Variants in GRIA4 observed in about 807,000 individuals in gnomAD.
The protein encoded by GRIA4 is glutamate receptor 4.
In GRIA4, 34 loss-of-function variants were observed where a neutral mutation model predicts 104.0. That is an observed-to-expected ratio of 0.33 (90% CI 0.25 to 0.44). The LOEUF (loss-of-function observed/expected upper bound fraction) is 0.44, where lower values mean the gene tolerates loss of function less well. GRIA4 is among the 20% of genes least tolerant of loss of function. The probability of loss-of-function intolerance (pLI) is 1.00; values close to 1 mark genes in which losing one functional copy is unlikely to be tolerated. For missense variants in GRIA4, 750 were observed against 1,096.5 expected (o/e 0.68, Z 4.46); for synonymous variants, 386 against 381.9 (o/e 1.01, Z -0.13).
intron 4 of GRIA4, among the ~76,000 whole-genome samples, chr11:105,848,311 T>C (rs1312215783): frequency 6.6e-6 from 1 of 152,196 alleles, no homozygotes; most frequent in Non-Finnish European, 1.5e-5. Flanking sequence ...ATTAAAAAAA[T>C]TAATTGAAAA....
intron 6 of GRIA4, among the ~76,000 whole-genome samples, chr11:105,895,068 G>A (rs1291668201): frequency 9.7e-6 from 1 of 102,794 alleles, no homozygotes; most frequent in Non-Finnish European, 2.1e-5. Flanking sequence ...CAAAGTGCTG[G>A]GATTACAGGC....
At chr11:105,815,459 T>A (rs909816386) in intron 4 of GRIA4, among the ~76,000 whole-genome samples, 23 of 152,190 alleles carry the variant, frequency 1.5e-4, no homozygotes, top group African/African-American at 5.3e-4. Context: ...CCCAGAGCCC[T>A]GCTATTCTTC....
Position 105,806,689 on chromosome 11 carries a change from CT to C in GRIA4, c.487+53474del, listed in dbSNP as rs201148036. 9.5e-3 allele frequency among the ~76,000 whole-genome samples: 1,444 copies of C among 151,698 alleles called. 30 individuals carry two copies. Among genetic ancestry groups the C allele is most frequent in the African/African-American group, 0.033 (1,372 of 41,420 alleles). ...AATGGTACCCAGGTCTTCTAGTGAG[CT>C]TTTTAGTGCCTTATTTGTAAATATT... On this transcript the variant is annotated intron_variant, in intron 4 of 16. Transcript: ENST00000282499.
At chr11:105,855,450 G>C (rs956611651) in intron 4 of GRIA4, among the ~76,000 whole-genome samples, 4 of 151,794 alleles carry the variant, frequency 2.6e-5, no homozygotes, top group Admixed American at 2.0e-4. Flanking sequence ...ATATAAAAAA[G>C]TATCAAATCA....
At chr11:105,865,877 C>T (rs1197551835) in intron 5 of GRIA4, among the ~76,000 whole-genome samples, 1 of 152,250 alleles carries the variant, frequency 6.6e-6, no homozygotes, top group East Asian at 1.9e-4. Context: ...AGTGGTTGCT[C>T]ACACATTTTA....
intron 10 of GRIA4, among the ~76,000 whole-genome samples, chr11:105,916,319 T>C (rs572547866): frequency 6.6e-6 from 1 of 152,292 alleles, no homozygotes; most frequent in East Asian, 1.9e-4. Context: ...AAATGGGAAA[T>C]GCCTACCTCA....
chr11:105,945,996 T>G (rs1339296045), intron 14 of GRIA4, among the ~76,000 whole-genome samples: 1 of 152,144 alleles, frequency 6.6e-6, no homozygotes, highest in Non-Finnish European at 1.5e-5. Flanking sequence ...GGAAATATGA[T>G]CAGTCTGGAC....
At chr11:105,912,084 C>A in intron 10 of GRIA4, 1 of 1,115,244 alleles carries the variant, frequency 9.0e-7, no homozygotes, top group Non-Finnish European at 1.1e-6. Flanking sequence ...GATACTAGAA[C>A]AAAAGAAGAA....
chr11:105,881,662 T>A (rs1245011412), intron 5 of GRIA4, among the ~76,000 whole-genome samples: 1 of 152,080 alleles, frequency 6.6e-6, no homozygotes, highest in Non-Finnish European at 1.5e-5. Context: ...GAAACTTCCA[T>A]AATTTCTGAC....
intron 3 of GRIA4, among the ~76,000 whole-genome samples, chr11:105,677,939 C>T (rs1305876108): frequency 2.6e-5 from 4 of 151,926 alleles, no homozygotes; most frequent in South Asian, 2.1e-4. Flanking sequence ...ATTTGTTTGT[C>T]TGTGTTTCCC....
intron 4 of GRIA4, among the ~76,000 whole-genome samples, chr11:105,856,479 T>C (rs1404676572): frequency 1.3e-5 from 2 of 152,242 alleles, no homozygotes; most frequent in East Asian, 3.9e-4. Context: ...ATAAAAAGTA[T>C]ATTCATACAG....
intron 4 of GRIA4, among the ~76,000 whole-genome samples, chr11:105,773,929 AT>A (rs141043718): frequency 0.01 from 1,528 of 152,030 alleles, 28 homozygotes; most frequent in African/African-American, 0.035. Flanking sequence ...AGTAATAAAA[AT>A]ATCATTAAAA....
chr11:105,716,425 T>C (rs543327716), intron 3 of GRIA4, among the ~76,000 whole-genome samples: 18 of 152,192 alleles, frequency 1.2e-4, no homozygotes, highest in Non-Finnish European at 2.1e-4. Flanking sequence ...ATTTGAACAA[T>C]TTTAAATGAT....
chr11:105,942,878 A>C (rs1022788089), intron 14 of GRIA4, among the ~76,000 whole-genome samples: 3 of 152,106 alleles, frequency 2.0e-5, no homozygotes, highest in African/African-American at 7.2e-5. Flanking sequence ...ACTGCTTCCC[A>C]AAAATGGGGG....
chr11:105,918,730 T>C lies in GRIA4; in HGVS notation c.1288T>C (p.Tyr430His), dbSNP rs1427705398. The change falls in exon 11 of 17, where the codon TAC becomes CAC. Residue 430 changes from tyrosine (Y) to histidine (H), a missense_variant. Transcript: ENST00000282499. ...ATTATAGGAATCCCCATATGTTATG[T>C]ACAAGAAAAATCATGAAATGTTTGA... ...TTIMESPYVM[Y>H]KKNHEMFEGN... The C allele has an allele frequency of 5.8e-6, 9 of 1,548,484 alleles. No homozygotes were observed. The South Asian group carries it at 1.0e-4, about 17-fold the overall frequency.
rs515931 is a variant in GRIA4 at position 105,864,429 on chromosome 11, C to A, written c.672+2221C>A. On this transcript the variant is annotated intron_variant, in intron 5 of 16. Transcript: ENST00000282499. ...GCAAAAGAAAACAATTTCAAAAAACCAACCAAAGCATTTTTAAAAGGTAAA... is the reference window on the plus strand; with the variant it reads ...GCAAAAGAAAACAATTTCAAAAAACAAACCAAAGCATTTTTAAAAGGTAAA... 7.0e-3 allele frequency among the ~76,000 whole-genome samples: 1,059 copies of A among 152,178 alleles called. 10 individuals are homozygous for A. Among genetic ancestry groups the A allele is most frequent in the African/African-American group, 0.024 (981 of 41,518 alleles).
intron 3 of GRIA4, among the ~76,000 whole-genome samples, chr11:105,677,112 T>C (rs1451228585): frequency 6.6e-6 from 1 of 151,894 alleles, no homozygotes; most frequent in Non-Finnish European, 1.5e-5. Flanking sequence ...GATAAAGTTA[T>C]AACTTTCACT....
chr11:105,656,852 G>T (rs1418907784), intron 3 of GRIA4, among the ~76,000 whole-genome samples: 1 of 151,960 alleles, frequency 6.6e-6, no homozygotes, highest in East Asian at 1.9e-4. Context: ...AAGACAAAAT[G>T]ATATGCTGGA....
At chr11:105,665,482 C>T (rs1245516997) in intron 3 of GRIA4, among the ~76,000 whole-genome samples, 3 of 151,822 alleles carry the variant, frequency 2.0e-5, no homozygotes, top group Admixed American at 6.6e-5. Context: ...GTTGCACTGG[C>T]CTTCGAGAAT....
Sources: gnomAD v4.1 joint callset for allele counts (sites outside exome capture counted in the v4.1 genomes callset) on GRCh38, gnomAD v4.1.1 for gene constraint, MANE v1.5 for transcripts, NCBI Gene and HGNC (gene_info 2026-07-23, HGNC 2026-07-21) for gene names.